Variants in TTC1 observed in about 807,000 individuals in gnomAD.
The protein encoded by TTC1 is tetratricopeptide repeat domain 1.
TTC1 carries 31 observed loss-of-function variants against 37.6 expected under a neutral mutation model. The ratio of observed to expected loss-of-function variants is 0.82; its 90% CI spans 0.62 to 1.11. The LOEUF is 1.11. TTC1 is among the 50% of genes most tolerant of loss of function. The pLI is 0.00. For missense variants in TTC1, 351 were observed against 339.0 expected (o/e 1.04, Z -0.28); for synonymous variants, 127 against 122.4 (o/e 1.04, Z -0.25).
chr5:160,053,210 G>A (rs1244190017), intron 7 of TTC1, among the ~76,000 whole-genome samples: 1 of 152,178 alleles, frequency 6.6e-6, no homozygotes, highest in Non-Finnish European at 1.5e-5. Flanking sequence ...TTCTGAGCAA[G>A]CTTTTCACAG....
intron 7 of TTC1, 46 bp downstream of exon 7, chr5:160,051,229 T>C: frequency 6.6e-7 from 1 of 1,513,934 alleles, no homozygotes. Flanking sequence ...GCTAGGAACC[T>C]AGGGTGGGGA....
At chr5:160,032,038 C>A (rs1019193212) in intron 2 of TTC1, among the ~76,000 whole-genome samples, 3 of 152,186 alleles carry the variant, frequency 2.0e-5, no homozygotes, top group Admixed American at 6.5e-5. Flanking sequence ...GCTGGCTGCT[C>A]AGGCCGGCCC....
rs771385601 is a variant in TTC1 at position 160,065,004 on chromosome 5, AG to A, written c.820del (p.Asp274IlefsTer29). The A allele has an allele frequency of 2.5e-6, 4 of 1,614,112 alleles. No individual in the cohort carries two copies. The highest frequency in any genetic ancestry group is 3.4e-6 in the Non-Finnish European group (4 of 1,180,018). On this transcript the variant is annotated frameshift_variant, in exon 8 of 8. Transcript: ENST00000231238. LOFTEE classifies it high-confidence loss of function. ...GLSTENFQIK[Q>X]DSSTGSYSIN... ...TCCACGGAAAATTTCCAGATCAAAC[AG>A]GATTCCTCTACCGGCTCGTACTCCA...
chr5:160,033,680 G>A (rs994512443), intron 2 of TTC1, among the ~76,000 whole-genome samples: 1 of 152,152 alleles, frequency 6.6e-6, no homozygotes, highest in Non-Finnish European at 1.5e-5. Flanking sequence ...TGTGGCACTT[G>A]AAAACCATCA....
intron 2 of TTC1, among the ~76,000 whole-genome samples, chr5:160,026,664 T>C (rs1021981051): frequency 6.6e-6 from 1 of 152,246 alleles, no homozygotes; most frequent in Non-Finnish European, 1.5e-5. Flanking sequence ...TTTATACTTT[T>C]ATTTTCAACC....
intron 2 of TTC1, among the ~76,000 whole-genome samples, chr5:160,034,793 G>C (rs1756973944): frequency 6.6e-6 from 1 of 152,118 alleles, no homozygotes; most frequent in Non-Finnish European, 1.5e-5. Flanking sequence ...AATTTACACT[G>C]GTATGCACAC....
intron 2 of TTC1, among the ~76,000 whole-genome samples, chr5:160,032,525 C>T (rs1756928548): frequency 2.0e-5 from 3 of 151,846 alleles, no homozygotes; most frequent in South Asian, 2.1e-4. Context: ...GGCTTGTGAT[C>T]GATGCTTGGT....
At chr5:160,045,520 A>ACACACACACACACTCT (rs1202139318) in intron 5 of TTC1, among the ~76,000 whole-genome samples, 6 of 54,884 alleles carry the variant, frequency 1.1e-4, no homozygotes, top group Non-Finnish European at 1.6e-4. Context: ...ACACATACAC[A>ACACACACACACACTCT]CTCTCTCTCT....
chr5:160,063,966 C>CTTTT lies in TTC1; in HGVS notation c.746-949_746-946dup, dbSNP rs34967107. Reference sequence around the variant, plus strand: ...AAGAACCGCTGGCTATAGACCATGACTTTTTTTTTTTTTTTTTTTTGAGAC... The same window carrying CTTTT: ...AAGAACCGCTGGCTATAGACCATGACTTTTTTTTTTTTTTTTTTTTTTTTGAGAC... On this transcript the variant is annotated intron_variant, in intron 7 of 7. Transcript: ENST00000231238. Among the ~76,000 whole-genome samples the CTTTT allele has an allele frequency of 2.2e-3, 231 of 106,596 alleles. 5 individuals are homozygous for CTTTT. The highest frequency in any genetic ancestry group is 2.9e-3 in the Admixed American group (25 of 8,540). The allele number at this position is 106,596 out of a possible 152,430, so 69.9% of individuals were successfully genotyped here.
chr5:160,045,920 TTTGG>T (rs1479919211), intron 5 of TTC1, among the ~76,000 whole-genome samples: 1 of 151,994 alleles, frequency 6.6e-6, no homozygotes, highest in Non-Finnish European at 1.5e-5. Context: ...TTTTTGTATT[TTTGG>T]TAGAGACAGG....
At chr5:160,036,439 T>TCA in intron 3 of TTC1, 1 of 359,230 alleles carries the variant, frequency 2.8e-6, no homozygotes, top group Non-Finnish European at 5.3e-6. Context: ...TGAGGGCTTG[T>TCA]CACTGACAGC....
At chr5:160,023,408 C>CA (rs1328205228) in intron 2 of TTC1, among the ~76,000 whole-genome samples, 2 of 151,834 alleles carry the variant, frequency 1.3e-5, no homozygotes, top group African/African-American at 2.4e-5. Context: ...CCTTCCCCCT[C>CA]AGCCTCCCAA....
intron 2 of TTC1, among the ~76,000 whole-genome samples, chr5:160,014,087 T>C (rs1037632740): frequency 2.6e-5 from 4 of 152,052 alleles, no homozygotes; most frequent in Admixed American, 6.6e-5. Flanking sequence ...ACGGGATGGC[T>C]CACACCTATA....
chr5:160,048,720 C>G (rs1455894190), intron 5 of TTC1, among the ~76,000 whole-genome samples: 1 of 152,140 alleles, frequency 6.6e-6, no homozygotes, highest in Non-Finnish European at 1.5e-5. Flanking sequence ...TTTCCCTTAA[C>G]TCTTTAATTT....
intron 2 of TTC1, among the ~76,000 whole-genome samples, chr5:160,024,771 G>C (rs963138047): frequency 1.3e-5 from 2 of 151,700 alleles, no homozygotes; most frequent in Admixed American, 1.3e-4. Context: ...AATAATAATA[G>C]AACAGCCTAA....
chr5:160,049,243 C>A (rs72810132), intron 5 of TTC1, among the ~76,000 whole-genome samples: 44 of 152,296 alleles, frequency 2.9e-4, no homozygotes, highest in Non-Finnish European at 5.3e-4. Context: ...ACACACCTAT[C>A]CTTTTTTGTT....
At chr5:160,038,490 G>A (rs1318037407) in intron 4 of TTC1, among the ~76,000 whole-genome samples, 1 of 152,096 alleles carries the variant, frequency 6.6e-6, no homozygotes, top group African/African-American at 2.4e-5. Context: ...ATATTTCTAG[G>A]TTTGGGCTCA....
At chr5:160,021,620 C>G (rs76027989) in intron 2 of TTC1, among the ~76,000 whole-genome samples, 2,079 of 152,332 alleles carry the variant, frequency 0.014, 41 homozygotes, top group African/African-American at 0.046. Flanking sequence ...GATCCTCCCT[C>G]ATGCCTCCCT....
At chr5:160,044,965 A>G (rs140157014) in intron 5 of TTC1, among the ~76,000 whole-genome samples, 2 of 152,308 alleles carry the variant, frequency 1.3e-5, no homozygotes, top group African/African-American at 4.8e-5. Flanking sequence ...AACTCTTTCT[A>G]TATTATAATA....
Sources: allele counts gnomAD v4.1 joint callset (sites outside exome capture counted in the v4.1 genomes callset), GRCh38; gene constraint gnomAD v4.1.1; transcripts MANE v1.5; gene names NCBI Gene and HGNC (gene_info 2026-07-23, HGNC 2026-07-21).